Variants in TNK2 observed in about 807,000 individuals in gnomAD.
TNK2 encodes tyrosine kinase non receptor 2.
A neutral mutation model predicts 101.8 loss-of-function variants in TNK2; 83 were observed. The ratio of observed to expected loss-of-function variants is 0.82; its 90% CI spans 0.68 to 0.98. The LOEUF (loss-of-function observed/expected upper bound fraction) is 0.98. Ranked by LOEUF, TNK2 falls within the 50% of genes least tolerant of loss-of-function variation. The pLI, the probability that TNK2 is intolerant of heterozygous loss-of-function variation, is 0.00. For synonymous variants in TNK2, 804 were observed against 633.0 expected, an observed-to-expected ratio of 1.27 and a Z score of -4.06; for missense variants, 1,665 against 1,483.2, an observed-to-expected ratio of 1.12 and a Z score of -2.01.
Position 195,867,869 on chromosome 3 carries a change from A to AG in TNK2, c.2428dup (p.Leu810ProfsTer84). On this transcript the variant is annotated frameshift_variant, in exon 13 of 16. Coordinates refer to ENST00000672887, the MANE Select transcript of TNK2 (RefSeq NM_001382273.1). LOFTEE classifies it high-confidence loss of function. ...CAGCGGGGAGCTGCCAGGTGGTACC[A>AG]GGGGGCTGGGTGTCCTCGAGCCTTG... The AG allele has an allele frequency of 6.5e-7, 1 of 1,530,898 alleles. No individual in the cohort carries two copies. Among genetic ancestry groups the AG allele is most frequent in the Non-Finnish European group, 8.7e-7 (1 of 1,145,312 alleles). 94.8% of individuals were successfully genotyped at this position (1,530,898 alleles called of 1,614,324 possible).
chr3:195,887,954 G>A (rs1756788360), intron 2 of TNK2, among the ~76,000 whole-genome samples: 1 of 78,500 alleles, frequency 1.3e-5, no homozygotes, highest in East Asian at 3.1e-4. Flanking sequence ...GTGTGTGCCT[G>A]CGTGTGTGTG....
At chr3:195,881,667 C>T (rs1331605345) in intron 6 of TNK2, among the ~76,000 whole-genome samples, 6 of 99,080 alleles carry the variant, frequency 6.1e-5, no homozygotes, top group African/African-American at 2.5e-4. Flanking sequence ...TTGGAGAGGA[C>T]ACAGCATTTA....
intron 15 of TNK2, among the ~76,000 whole-genome samples, chr3:195,865,903 A>G (rs1740518747): frequency 6.6e-6 from 1 of 152,110 alleles, no homozygotes; most frequent in Admixed American, 6.5e-5. Flanking sequence ...TATTATCTAC[A>G]CGCTTTATAT....
chr3:195,864,399 C>A (rs764161567), intron 15 of TNK2, among the ~76,000 whole-genome samples: 1 of 152,076 alleles, frequency 6.6e-6, no homozygotes, highest in African/African-American at 2.4e-5. Context: ...ATTAGAGAAT[C>A]CGAAGACGAC....
rs1746013898 is a variant in TNK2, at chr3:195,872,293, G to A, written c.1434C>T (p.Phe478=). Residue 478 remains phenylalanine, a synonymous_variant, in exon 10 of 16, where the codon TTC becomes TTT. Transcript: ENST00000672887. ...GTACTCACTCGTCAATCCTGTCCGG[G>A]AAGCCCCAGCAGTGGCGGGGGTCAC... ...GDSDPRHCWG[F]PDRIDELYLG... The A allele has an allele frequency of 2.5e-6, 4 of 1,613,458 alleles. No individual in the cohort carries two copies. Among genetic ancestry groups the A allele is most frequent in the Non-Finnish European group, 3.4e-6 (4 of 1,179,928 alleles).
At position 195,872,429 on chromosome 3, in the gene TNK2, A is replaced by G. The variant is rs1256178343; in HGVS notation, c.1298T>C (p.Leu433Pro). 6.2e-7 allele frequency: 1 copy of G among 1,611,144 alleles called. No individual in the cohort carries two copies. Among genetic ancestry groups the G allele is most frequent in the Non-Finnish European group, 8.5e-7 (1 of 1,178,760 alleles). The change falls in exon 10 of 16, where the codon CTG (leucine) becomes CCG (proline). Residue 433 changes from leucine (L) to proline (P), a missense_variant. By Grantham distance (98) the Leu-to-Pro change is moderately conservative. Transcript: ENST00000672887. ...GTTGCGAGGGAAGGGCCCCACACAC[A>G]GCGTCCGTGTGTTCTGGCCACGCCA... is the stretch of plus-strand genomic sequence containing the variant. ...YWWRGQNTRT[L>P]CVGPFPRNVV... is the part of the protein sequence containing the mutation.
At position 195,872,186 on chromosome 3, in the gene TNK2, G is replaced by A. The variant is rs1053648907; in HGVS notation, c.1451+90C>T. The A allele has an allele frequency of 2.8e-6, 4 of 1,419,546 alleles. 1 individual carries two copies. Among genetic ancestry groups the A allele is most frequent in the Non-Finnish European group, 9.6e-7 (1 of 1,042,284 alleles). 87.9% of individuals were successfully genotyped at this position (1,419,546 alleles called of 1,614,324 possible). On this transcript the variant is annotated intron_variant, in intron 10 of 15. Transcript: ENST00000672887. The stretch of plus-strand genomic sequence containing the variant: ...GGGGCTGAAGCCCGGGCGAAAGGGT[G>A]AAGAGCAGATTCCGCCCACGCGTGC...
chr3:195,867,550 G>A lies in TNK2; in HGVS notation c.2748C>T (p.Ala916=). The A allele has an allele frequency of 1.2e-5, 19 of 1,552,160 alleles. No individual in the cohort carries two copies. The highest frequency in any genetic ancestry group is 1.6e-5 in the Non-Finnish European group (18 of 1,157,180). The change falls in exon 13 of 16, where the codon GCC becomes GCT. Residue 916 remains alanine, a synonymous_variant. Transcript: ENST00000672887. ...PLLLPPPSTP[A]PAAPTATVRP... is the part of the protein sequence containing the mutation. ...GCACGGTGGCCGTGGGGGCGGCGGG[G>A]GCTGGGGTGCTGGGTGGGGGCAGCA... is the stretch of plus-strand genomic sequence containing the variant.
rs1742373700 is a variant in TNK2 at position 195,868,341 on chromosome 3, C to CGTCG, written c.1953_1956dup (p.Val653ArgfsTer6). The stretch of plus-strand genomic sequence containing the variant: ...TCAAAGTCATCCTCATCCTGGGCCA[C>CGTCG]GTCGTCATAGGCGGGCGGGGGGGGC... On this transcript the variant is annotated frameshift_variant, in exon 13 of 16. Coordinates refer to ENST00000672887, the MANE Select transcript of TNK2 (RefSeq NM_001382273.1). LOFTEE classifies it high-confidence loss of function. The CGTCG allele has an allele frequency of 6.9e-6, 11 of 1,601,156 alleles. No homozygotes were observed. The highest frequency in any genetic ancestry group is 9.3e-6 in the Non-Finnish European group (11 of 1,178,662).
At chr3:195,869,566 G>A in intron 11 of TNK2, 25 bp from the exon 12 acceptor site, 1 of 1,551,146 alleles carries the variant, frequency 6.4e-7, no homozygotes, top group Admixed American at 2.0e-5. Context: ...ATGCGGACAG[G>A]GGGAGAGAGA....
intron 6 of TNK2, among the ~76,000 whole-genome samples, chr3:195,879,962 C>G (rs979080654): frequency 2.6e-5 from 4 of 152,144 alleles, no homozygotes; most frequent in South Asian, 2.1e-4. Context: ...CTAAATTACT[C>G]CAGGACAACG....
In TNK2 at chr3:195,866,963, C is replaced by T; in HGVS notation, c.3087G>A (p.Val1029=). ...CCAGGTTCCAGTCGAACATCTCCAG[C>T]ACTTTGTGGCACTCCCCTCTGGGCC... is the stretch of plus-strand genomic sequence containing the variant. ...GLRPRGECHK[V]LEMFDWNLEQ... The change falls in exon 15 of 16, where the codon GTG becomes GTA. Residue 1029 remains valine, a synonymous_variant. Coordinates refer to ENST00000672887, the MANE Select transcript of TNK2 (RefSeq NM_001382273.1). 2 of 1,613,114 alleles carry T rather than the reference C, an allele frequency of 1.2e-6. No homozygotes were observed. The highest frequency in any genetic ancestry group is 1.6e-4 in the Middle Eastern group (1 of 6,062).
intron 1 of TNK2, among the ~76,000 whole-genome samples, chr3:195,891,437 C>T (rs188834087): frequency 1.2e-3 from 187 of 152,368 alleles, no homozygotes; most frequent in African/African-American, 4.3e-3. Context: ...ACTTCAACTG[C>T]ACTTACTATA....
At chr3:195,877,761 G>C (rs1211066723) in intron 9 of TNK2, among the ~76,000 whole-genome samples, 1 of 152,132 alleles carries the variant, frequency 6.6e-6, no homozygotes, top group Non-Finnish European at 1.5e-5. Context: ...GGGGAGATGG[G>C]AAGAGAGGAC....
At position 195,864,184 on chromosome 3, in the gene TNK2, G is replaced by C; in HGVS notation, c.3165C>G (p.Arg1055=). 1 of 1,614,026 alleles carries C rather than the reference G, an allele frequency of 6.2e-7. No individual in the cohort carries two copies. The change falls in exon 16 of 16, where the codon CGC becomes CGG. Residue 1055 remains arginine (R), a synonymous_variant. Coordinates refer to ENST00000672887, the MANE Select transcript of TNK2 (RefSeq NM_001382273.1). ...LGSWGPAHHK[R] ...CCTCTGGCTCTCCAGACGCATCTCA[G>C]CGCCTAGAGAATGGGAAACCACCAG...
intron 15 of TNK2, among the ~76,000 whole-genome samples, chr3:195,864,427 A>G (rs1447074834): frequency 1.3e-5 from 2 of 152,050 alleles, no homozygotes; most frequent in African/African-American, 4.8e-5. Context: ...ATAGAGCCCA[A>G]AGCCTATGTG....
chr3:195,872,156 G>T, intron 10 of TNK2, 120 bp downstream of exon 10: 2 of 1,157,770 alleles, frequency 1.7e-6, no homozygotes, highest in Non-Finnish European at 2.4e-6. Context: ...GAGAGTGGCG[G>T]GTCGGGGGCT....
Position 195,883,249 on chromosome 3 carries a change from C to A in TNK2, c.517G>T (p.Asp173Tyr). The change falls in exon 5 of 16, where the codon GAC becomes TAC. Residue 173 changes from aspartate to tyrosine, a missense_variant. Physicochemically the swap from Asp to Tyr is radical, Grantham distance 160. Coordinates refer to ENST00000672887, the MANE Select transcript of TNK2 (RefSeq NM_001382273.1). ...DVLSQPEAMDDFIREVNAMHS... is the reference protein window; with the variant it reads ...DVLSQPEAMDYFIREVNAMHS... The stretch of plus-strand genomic sequence containing the variant: ...ATGGCATTGACCTCCCGGATGAAGT[C>A]GTCCATGGCTTCTGGCTGGCTCAGG... 1 of 1,613,324 alleles carries A rather than the reference C, an allele frequency of 6.2e-7. No homozygotes were observed. The highest frequency in any genetic ancestry group is 1.1e-5 in the South Asian group (1 of 91,072).
At position 195,868,260 on chromosome 3, in the gene TNK2, G is replaced by A. The variant is rs1372268969; in HGVS notation, c.2038C>T (p.Gln680Ter). The A allele has an allele frequency of 1.9e-6, 3 of 1,604,542 alleles. No homozygotes were observed. The highest frequency in any genetic ancestry group is 1.3e-5 in the African/African-American group (1 of 74,860). ...ACAAAGGCGTAGTTGGTCTGGCCCT[G>A]GCTGGGCCCGGCAGGGACCCCCGCG... ...VGAGVPAGPSQGQTNYAFVPE... is the reference protein window; with the variant it reads ...VGAGVPAGPS Residue 680 changes from glutamine to a stop codon, truncating the protein, a stop_gained, in exon 13 of 16, where the codon CAG (glutamine) becomes TAG (stop). Coordinates refer to ENST00000672887, the MANE Select transcript of TNK2 (RefSeq NM_001382273.1). LOFTEE classifies it high-confidence loss of function.
Sources: allele counts gnomAD v4.1 joint callset (sites outside exome capture counted in the v4.1 genomes callset), GRCh38; gene constraint gnomAD v4.1.1; transcripts MANE v1.5; gene names NCBI Gene and HGNC (gene_info 2026-07-23, HGNC 2026-07-21).